DPYD: variants seen among roughly 807,000 people sequenced by gnomAD.
The protein encoded by DPYD is dihydropyrimidine dehydrogenase.
A neutral mutation model predicts 116.2 loss-of-function variants in DPYD; 109 were observed. That is an observed-to-expected ratio of 0.94 (90% CI 0.80 to 1.10). The LOEUF (loss-of-function observed/expected upper bound fraction) is 1.10, where lower values mean the gene tolerates loss of function less well. DPYD is among the 50% of genes least tolerant of loss of function. The probability of loss-of-function intolerance (pLI) is 0.00; values close to 1 mark genes in which losing one functional copy is unlikely to be tolerated. For missense variants in DPYD, 1,302 were observed against 1,254.5 expected (o/e 1.04, Z -0.57); for synonymous variants, 440 against 432.0 (o/e 1.02, Z -0.23).
chr1:97,148,256 G>C (rs1162562500), intron 20 of DPYD, among the ~76,000 whole-genome samples: 1 of 150,822 alleles, frequency 6.6e-6, no homozygotes, highest in African/African-American at 2.4e-5. Flanking sequence ...GTGTGTGTGG[G>C]GGGGGTGTGT....
Position 97,349,552 on chromosome 1 carries a change from T to A in DPYD, c.2058+24009A>T, listed in dbSNP as rs550322635. Among the ~76,000 whole-genome samples, 239 of 152,186 alleles carry A rather than the reference T, an allele frequency of 1.6e-3. 1 individual carries two copies. The highest frequency in any genetic ancestry group is 5.6e-3 in the African/African-American group (232 of 41,540). ...TGATGTTCCCCTTCCTGTGTCCATG[T>A]GTTCTCATTGTTCAATTCCCACCTA... On this transcript the variant is annotated intron_variant, in intron 16 of 22. Transcript: ENST00000370192.
At chr1:97,243,538 C>G (rs1035067892) in intron 18 of DPYD, among the ~76,000 whole-genome samples, 40 of 151,990 alleles carry the variant, frequency 2.6e-4, no homozygotes, top group African/African-American at 8.9e-4. Flanking sequence ...ACACCATGCT[C>G]TTAACCACAA....
intron 20 of DPYD, among the ~76,000 whole-genome samples, chr1:97,141,017 C>T (rs1445321036): frequency 6.6e-6 from 1 of 152,080 alleles, no homozygotes; most frequent in African/African-American, 2.4e-5. Flanking sequence ...TCTAATAGAT[C>T]TGTAAACATG....
chr1:97,116,223 C>T (rs1355047563), intron 20 of DPYD, among the ~76,000 whole-genome samples: 1 of 152,054 alleles, frequency 6.6e-6, no homozygotes, highest in Non-Finnish European at 1.5e-5. Flanking sequence ...TGCTGAGCAC[C>T]TACAATTTTT....
At chr1:97,590,351 T>C (rs374745281) in intron 10 of DPYD, among the ~76,000 whole-genome samples, 2 of 152,186 alleles carry the variant, frequency 1.3e-5, no homozygotes, top group African/African-American at 4.8e-5. Flanking sequence ...ACTTGGAAGG[T>C]ATTAGCCCGT....
chr1:97,396,588 T>G (rs896811819), intron 14 of DPYD, among the ~76,000 whole-genome samples: 4 of 152,026 alleles, frequency 2.6e-5, no homozygotes, highest in African/African-American at 9.7e-5. Context: ...ACCAATGGGA[T>G]GATTCACAGC....
intron 8 of DPYD, among the ~76,000 whole-genome samples, chr1:97,620,751 T>C (rs1656585048): frequency 6.6e-6 from 1 of 152,166 alleles, no homozygotes; most frequent in Non-Finnish European, 1.5e-5. Flanking sequence ...AAAAGTCCAA[T>C]CTTCTTAGCC....
intron 19 of DPYD, among the ~76,000 whole-genome samples, chr1:97,201,075 A>G (rs1659168987): frequency 6.6e-6 from 1 of 152,150 alleles, no homozygotes; most frequent in African/African-American, 2.4e-5. Context: ...TTATTTCCAT[A>G]AATTTCAAAG....
rs1391052355 is a variant in DPYD, at chr1:97,883,257, T to C, written c.150+7A>G. On this transcript the variant is annotated splice_region_variant and intron_variant, in intron 2 of 22. Coordinates refer to ENST00000370192, the MANE Select transcript of DPYD (RefSeq NM_000110.4). ...TCAGCATGAAATAGTGTATCAGTGGTACTTACAAAGCAGTTCTTATCAGGA... is the reference window on the plus strand; with the variant it reads ...TCAGCATGAAATAGTGTATCAGTGGCACTTACAAAGCAGTTCTTATCAGGA... The C allele has an allele frequency of 5.1e-6, 8 of 1,581,448 alleles. No individual in the cohort carries two copies. The highest frequency in any genetic ancestry group is 2.3e-5 in the East Asian group (1 of 44,434).
At chr1:97,701,271 T>G (rs1015486676) in intron 5 of DPYD, among the ~76,000 whole-genome samples, 2 of 149,806 alleles carry the variant, frequency 1.3e-5, no homozygotes, top group Non-Finnish European at 3.0e-5. Context: ...ATTACTAAAC[T>G]TAAAGAACAT....
At chr1:97,591,804 T>A (rs1388564158) in intron 10 of DPYD, among the ~76,000 whole-genome samples, 2 of 151,736 alleles carry the variant, frequency 1.3e-5, no homozygotes, top group African/African-American at 4.8e-5. Flanking sequence ...TCCTGTGCTA[T>A]GCACAGGAAT....
intron 8 of DPYD, among the ~76,000 whole-genome samples, chr1:97,623,971 C>T (rs901017966): frequency 5.3e-5 from 8 of 151,744 alleles, no homozygotes; most frequent in African/African-American, 1.9e-4. Flanking sequence ...TATAAAAAAC[C>T]AACTCAAAAT....
At chr1:97,754,161 T>C (rs897213937) in intron 3 of DPYD, among the ~76,000 whole-genome samples, 1 of 152,270 alleles carries the variant, frequency 6.6e-6, no homozygotes, top group Admixed American at 6.5e-5. Flanking sequence ...CTCAGTTTAA[T>C]TCATATCATA....
chr1:97,387,332 T>G (rs1348728770), intron 14 of DPYD, among the ~76,000 whole-genome samples: 2 of 152,106 alleles, frequency 1.3e-5, no homozygotes, highest in African/African-American at 4.8e-5. Context: ...AGACATTGAC[T>G]TAGCATTTTC....
chr1:97,316,097 A>G (rs551939749), intron 16 of DPYD, among the ~76,000 whole-genome samples: 3 of 152,140 alleles, frequency 2.0e-5, no homozygotes, highest in African/African-American at 7.2e-5. Context: ...AGACAAAATT[A>G]TCCATCAAGG....
intron 5 of DPYD, among the ~76,000 whole-genome samples, chr1:97,716,462 A>C (rs187081913): frequency 6.6e-6 from 1 of 152,154 alleles, no homozygotes; most frequent in Non-Finnish European, 1.5e-5. Flanking sequence ...AAACCCTGCC[A>C]AAAAAACAAA....
chr1:97,193,978 C>A (rs1001737981), intron 19 of DPYD, among the ~76,000 whole-genome samples: 1 of 152,142 alleles, frequency 6.6e-6, no homozygotes, highest in South Asian at 2.1e-4. Flanking sequence ...TTTAATCAGA[C>A]ATTTTTAACT....
At chr1:97,497,147 A>C (rs1679312101) in intron 13 of DPYD, among the ~76,000 whole-genome samples, 1 of 151,676 alleles carries the variant, frequency 6.6e-6, no homozygotes. Context: ...ATTGATTCAG[A>C]CTCCTAGAGT....
intron 16 of DPYD, among the ~76,000 whole-genome samples, chr1:97,366,517 G>A (rs145131519): frequency 3.6e-4 from 55 of 152,146 alleles, no homozygotes; most frequent in African/African-American, 1.3e-3. Flanking sequence ...ATGCCTCAGG[G>A]GATCATCCCA....
Sources: gnomAD v4.1 joint callset for allele counts (sites outside exome capture counted in the v4.1 genomes callset) on GRCh38, gnomAD v4.1.1 for gene constraint, MANE v1.5 for transcripts, NCBI Gene and HGNC (gene_info 2026-07-23, HGNC 2026-07-21) for gene names.